Variants in MYO16 observed in about 807,000 individuals in gnomAD.
MYO16 encodes the protein myosin XVI.
Under a neutral mutation model 205.3 loss-of-function variants are expected in MYO16, and 94 were observed. The observed-to-expected ratio is 0.46, with a 90% CI of 0.39 to 0.54. MYO16 has a LOEUF of 0.54. Ranked by LOEUF, MYO16 falls within the 20% of genes least tolerant of loss-of-function variation. The pLI is 0.00. For synonymous variants in MYO16, 988 were observed against 954.0 expected (o/e 1.04, Z -0.66); for missense variants, 2,315 against 2,387.5 (o/e 0.97, Z 0.63).
intron 3 of MYO16, among the ~76,000 whole-genome samples, chr13:108,726,578 A>C (rs1483380788): frequency 6.6e-6 from 1 of 151,754 alleles, no homozygotes; most frequent in Non-Finnish European, 1.5e-5. Context: ...AAAAAGAAAA[A>C]GAAAAAGAAA....
rs34317737 is a variant in MYO16, at chr13:109,127,859, TAA to T, written c.4051+327_4051+328del. Among the ~76,000 whole-genome samples the T allele has an allele frequency of 0.021, 2,754 of 132,626 alleles. 38 individuals are homozygous for T. Among genetic ancestry groups the T allele is most frequent in the South Asian group, 0.036 (150 of 4,158 alleles). 87.0% of individuals were successfully genotyped at this position (132,626 alleles called of 152,430 possible). On this transcript the variant is annotated intron_variant, in intron 31 of 34. Coordinates refer to ENST00000457511, the MANE Select transcript of MYO16 (RefSeq NM_001198950.3). This position sits in a 1 kb window ranked among gnomAD's most constrained non-coding sequence, Gnocchi z 4.2. ...ATGTAAAGGTTCACCAATGAGAAAG[TAA>T]AAAAAAAAAAAAAAAAACTGCTTCA...
chr13:108,957,246 T>C (rs1292238451), intron 16 of MYO16, among the ~76,000 whole-genome samples: 1 of 151,842 alleles, frequency 6.6e-6, no homozygotes, highest in Non-Finnish European at 1.5e-5. Context: ...TAGCCGGGCG[T>C]GGTGGCACGC....
chr13:108,983,639 G>A (rs966440283), intron 20 of MYO16, among the ~76,000 whole-genome samples: 4 of 152,176 alleles, frequency 2.6e-5, no homozygotes, highest in Non-Finnish European at 5.9e-5. Flanking sequence ...GTGAGCGGAA[G>A]CAGGCAAGCA....
the MYO16 span, among the ~76,000 whole-genome samples, chr13:108,538,438 T>A: frequency 6.6e-6 from 1 of 152,090 alleles, no homozygotes; most frequent in African/African-American, 2.4e-5. Flanking sequence ...CAAGAGAAAT[T>A]CCACTAGTGG....
rs186655350 is a variant in MYO16 at position 108,787,145 on chromosome 13, C to G, written c.616+1402C>G. 5.3e-5 allele frequency among the ~76,000 whole-genome samples: 8 copies of G among 152,054 alleles called. No homozygotes were observed. The East Asian group carries it at 1.5e-3, about 29-fold the overall frequency. On this transcript the variant is annotated intron_variant, in intron 5 of 34. Coordinates refer to ENST00000457511, the MANE Select transcript of MYO16 (RefSeq NM_001198950.3). Reference sequence around the variant, plus strand: ...TAGTTTGTATGTTAAGTGTTATCACCAAATAATAGTAAAAATAACAGTAAA... The same window carrying G: ...TAGTTTGTATGTTAAGTGTTATCACGAAATAATAGTAAAAATAACAGTAAA...
chr13:108,763,071 G>A (rs894523172), intron 4 of MYO16, among the ~76,000 whole-genome samples: 15 of 152,166 alleles, frequency 9.9e-5, no homozygotes, highest in African/African-American at 3.6e-4. Flanking sequence ...TAACTCCAGT[G>A]AAATTATGAT....
intron 1 of MYO16, among the ~76,000 whole-genome samples, chr13:108,640,128 G>T (rs966303627): frequency 2.0e-5 from 3 of 152,200 alleles, no homozygotes; most frequent in Non-Finnish European, 4.4e-5. Context: ...AAGGAAATAG[G>T]TGACAAGGAA....
intron 16 of MYO16, among the ~76,000 whole-genome samples, chr13:108,948,532 C>T (rs1413824521): frequency 6.6e-6 from 1 of 152,240 alleles, no homozygotes; most frequent in African/African-American, 2.4e-5. Flanking sequence ...GCCACACCTG[C>T]ACCCTGGAGA....
rs1244240411 is a variant in MYO16 at position 109,022,735 on chromosome 13, A to AT, written c.2796+2826dup. ...TATACGCATATAAACATATGTATAT[A>AT]TTATATATATGCATATAAACACATG... is the stretch of plus-strand genomic sequence containing the variant. On this transcript the variant is annotated intron_variant, in intron 23 of 34. Transcript: ENST00000457511. 7.5e-5 allele frequency among the ~76,000 whole-genome samples: 10 copies of AT among 133,886 alleles called. 1 individual carries two copies. Among genetic ancestry groups the AT allele is most frequent in the African/African-American group, 1.6e-4 (6 of 37,268 alleles). The allele number at this position is 133,886 out of a possible 152,430, so 87.8% of individuals were successfully genotyped here. A position where few individuals can be genotyped will look rare whatever the true frequency, so the allele number is the denominator to read the frequency against.
intron 21 of MYO16, among the ~76,000 whole-genome samples, chr13:108,997,775 T>C (rs1461220706): frequency 6.6e-6 from 1 of 151,972 alleles, no homozygotes; most frequent in African/African-American, 2.4e-5. Context: ...AAGGCGGAGG[T>C]TGCAGTGAGC....
rs1275814539 is a variant in MYO16 at position 108,984,506 on chromosome 13, ACT to A, written c.2370-7865_2370-7864del. On this transcript the variant is annotated intron_variant, in intron 20 of 34. Transcript: ENST00000457511. Reference sequence around the variant, plus strand: ...CACAAGGGATTCAGACATAGGGAAAACTCTCTTTTCAGTGGTTGGTAATCATA... The same window carrying A: ...CACAAGGGATTCAGACATAGGGAAAACTCTTTTCAGTGGTTGGTAATCATA... Among the ~76,000 whole-genome samples, 8 of 152,136 alleles carry A rather than the reference ACT, an allele frequency of 5.3e-5. No individual in the cohort carries two copies. The East Asian group carries it at 1.5e-3, about 29-fold the overall frequency.
intron 4 of MYO16, among the ~76,000 whole-genome samples, chr13:108,763,134 G>A (rs186428225): frequency 2.3e-4 from 35 of 152,194 alleles, no homozygotes; most frequent in African/African-American, 7.5e-4. Flanking sequence ...TTTATTGAGG[G>A]TCTACTATGA....
chr13:108,568,261 T>C, the MYO16 span, among the ~76,000 whole-genome samples: 1 of 152,180 alleles, frequency 6.6e-6, no homozygotes, highest in African/African-American at 2.4e-5. Context: ...ATTTTAACAT[T>C]TTGAGAAGCT....
chr13:109,144,002 A>G (rs905762938), intron 32 of MYO16, among the ~76,000 whole-genome samples: 1 of 150,872 alleles, frequency 6.6e-6, no homozygotes, highest in Non-Finnish European at 1.5e-5. Context: ...TCCTAACTAT[A>G]CAGTTGAGAA....
At chr13:109,099,430 G>A (rs376910514) in intron 27 of MYO16, among the ~76,000 whole-genome samples, 3 of 152,152 alleles carry the variant, frequency 2.0e-5, no homozygotes, top group African/African-American at 7.2e-5. Context: ...TCAACAATGC[G>A]AAAACCACAA....
intron 25 of MYO16, among the ~76,000 whole-genome samples, chr13:109,053,013 T>C (rs1449601385): frequency 6.6e-6 from 1 of 152,164 alleles, no homozygotes; most frequent in African/African-American, 2.4e-5. Flanking sequence ...AAACTCAAGA[T>C]TCTATGTGCC....
chr13:108,834,666 TCTCA>T (rs35149977), intron 9 of MYO16, among the ~76,000 whole-genome samples: 31 of 23,480 alleles, frequency 1.3e-3, no homozygotes, highest in South Asian at 2.5e-3. Flanking sequence ...TCTCTCTCTC[TCTCA>T]CACATATATA....
At chr13:108,777,803 C>G (rs1226560421) in intron 4 of MYO16, among the ~76,000 whole-genome samples, 1 of 152,120 alleles carries the variant, frequency 6.6e-6, no homozygotes, top group Non-Finnish European at 1.5e-5. Flanking sequence ...ACCTGTGTTC[C>G]CCAGGTATGT....
chr13:108,942,990 G>A (rs1009462996), intron 16 of MYO16, among the ~76,000 whole-genome samples: 1 of 152,114 alleles, frequency 6.6e-6, no homozygotes, highest in Non-Finnish European at 1.5e-5. Context: ...CTTTATTCAG[G>A]TCTATGACTC....
Sources: gnomAD v4.1 joint callset for allele counts (sites outside exome capture counted in the v4.1 genomes callset) on GRCh38, gnomAD v4.1.1 for gene constraint, Gnocchi (gnomAD v3.1) non-coding constraint, MANE v1.5 for transcripts, NCBI Gene and HGNC (gene_info 2026-07-23, HGNC 2026-07-21) for gene names.